The following NALF1 variants were observed in gnomAD, a reference collection of about 807,000 sequenced individuals.
The protein encoded by NALF1 is NALCN channel auxiliary factor 1, also known as family with sequence similarity 155 member A.
In NALF1, 3 loss-of-function variants were observed where a neutral mutation model predicts 48.4. That is an observed-to-expected ratio of 0.06 (90% CI 0.03 to 0.16). The LOEUF is 0.16. Among genes scored for constraint, NALF1 ranks in the 10% least tolerant of loss-of-function variants. NALF1 has a pLI of 1.00. For missense variants in NALF1, 526 were observed against 571.5 expected (o/e 0.92, Z 0.81); for synonymous variants, 262 against 245.7 (o/e 1.07, Z -0.62).
intron 1 of NALF1, among the ~76,000 whole-genome samples, chr13:107,452,923 A>G (rs11838863): frequency 0.029 from 4,427 of 152,340 alleles, 225 homozygotes; most frequent in African/African-American, 0.1. Flanking sequence ...CTGAAATCCA[A>G]TAGGGCAGTA....
Position 107,827,517 on chromosome 13 carries a change from C to T in NALF1, c.915+38165G>A, listed in dbSNP as rs530944307. 1.6e-3 allele frequency among the ~76,000 whole-genome samples: 245 copies of T among 152,312 alleles called. 1 individual carries two copies. The highest frequency in any genetic ancestry group is 5.8e-3 in the African/African-American group (241 of 41,562). The stretch of plus-strand genomic sequence containing the variant: ...TAAATCCAGTGCTTCCCACAAACAT[C>T]CCAACATGGGTCTGGCCATCGGGCA... On this transcript the variant is annotated intron_variant, in intron 1 of 2. Coordinates refer to ENST00000375915, the MANE Select transcript of NALF1 (RefSeq NM_001080396.3).
At chr13:107,717,189 G>T (rs1477665820) in intron 1 of NALF1, among the ~76,000 whole-genome samples, 1 of 152,126 alleles carries the variant, frequency 6.6e-6, no homozygotes, top group African/African-American at 2.4e-5. Context: ...TGTATCCAAT[G>T]AGAATAAACA....
chr13:107,213,740 A>G (rs1879816021), intron 1 of NALF1, among the ~76,000 whole-genome samples: 1 of 152,238 alleles, frequency 6.6e-6, no homozygotes, highest in African/African-American at 2.4e-5. Flanking sequence ...CATGGGAAGT[A>G]AACAAAAATT....
intron 1 of NALF1, among the ~76,000 whole-genome samples, chr13:107,827,974 G>A (rs897068452): frequency 2.0e-5 from 3 of 152,142 alleles, no homozygotes; most frequent in African/African-American, 4.8e-5. Context: ...AACTGCAGCC[G>A]TCAGCGGTAG....
chr13:107,456,186 T>G (rs1382995350), intron 1 of NALF1, among the ~76,000 whole-genome samples: 1 of 152,132 alleles, frequency 6.6e-6, no homozygotes, highest in Non-Finnish European at 1.5e-5. Flanking sequence ...AGTGGGAATT[T>G]GACAAGTTCA....
intron 1 of NALF1, among the ~76,000 whole-genome samples, chr13:107,585,650 C>T (rs1272545717): frequency 6.6e-6 from 1 of 152,170 alleles, no homozygotes; most frequent in Non-Finnish European, 1.5e-5. Context: ...AGCCATTTAT[C>T]ATCACCTACT....
intron 1 of NALF1, among the ~76,000 whole-genome samples, chr13:107,469,901 G>A (rs886811139): frequency 6.6e-6 from 1 of 151,526 alleles, no homozygotes; most frequent in Non-Finnish European, 1.5e-5. Flanking sequence ...CTGCCACCAC[G>A]CCCGGCTAAT....
At chr13:107,258,464 A>C (rs1282233710) in intron 1 of NALF1, among the ~76,000 whole-genome samples, 1 of 152,196 alleles carries the variant, frequency 6.6e-6, no homozygotes, top group African/African-American at 2.4e-5. Context: ...CTGAGTCAAA[A>C]GTTCATAATT....
chr13:107,224,738 T>A (rs1378571426), intron 1 of NALF1, among the ~76,000 whole-genome samples: 1 of 152,096 alleles, frequency 6.6e-6, no homozygotes, highest in Non-Finnish European at 1.5e-5. Flanking sequence ...GATTTATGGC[T>A]TAGTACTGAT....
intron 1 of NALF1, among the ~76,000 whole-genome samples, chr13:107,246,841 T>C (rs1880595823): frequency 6.6e-6 from 1 of 152,180 alleles, no homozygotes; most frequent in Non-Finnish European, 1.5e-5. Context: ...GAGAATTTCA[T>C]CTTTCAATGA....
intron 1 of NALF1, among the ~76,000 whole-genome samples, chr13:107,330,258 G>T (rs182553984): frequency 6.6e-6 from 1 of 152,310 alleles, no homozygotes; most frequent in Non-Finnish European, 1.5e-5. Context: ...TGGCTCTAAT[G>T]ATGAGGAATT....
At chr13:107,639,821 T>C (rs2138457158) in intron 1 of NALF1, among the ~76,000 whole-genome samples, 1 of 152,340 alleles carries the variant, frequency 6.6e-6, no homozygotes, top group Admixed American at 6.5e-5. Flanking sequence ...TTCTTATTTC[T>C]GTAACAATCT....
intron 1 of NALF1, among the ~76,000 whole-genome samples, chr13:107,596,383 G>A (rs1187387322): frequency 6.6e-6 from 1 of 152,136 alleles, no homozygotes; most frequent in Non-Finnish European, 1.5e-5. Flanking sequence ...TACGTGTATT[G>A]CAGCACTATT....
intron 1 of NALF1, among the ~76,000 whole-genome samples, chr13:107,231,169 C>T (rs1880215978): frequency 6.6e-6 from 1 of 151,196 alleles, no homozygotes; most frequent in Admixed American, 6.6e-5. Context: ...GTAGAATTTG[C>T]TTTGAAATGA....
intron 1 of NALF1, among the ~76,000 whole-genome samples, chr13:107,295,169 T>C (rs1322950158): frequency 6.6e-6 from 1 of 152,150 alleles, no homozygotes; most frequent in African/African-American, 2.4e-5. Context: ...GTTCCTGGTG[T>C]CTCTTGTGCC....
intron 1 of NALF1, among the ~76,000 whole-genome samples, chr13:107,335,583 T>A (rs1039640918): frequency 2.6e-5 from 4 of 152,242 alleles, no homozygotes; most frequent in Non-Finnish European, 5.9e-5. Context: ...TGTTTGTGAC[T>A]TTTTCATGGC....
intron 1 of NALF1, among the ~76,000 whole-genome samples, chr13:107,228,542 A>C (rs537271944): frequency 6.6e-6 from 1 of 152,326 alleles, no homozygotes; most frequent in South Asian, 2.1e-4. Context: ...ACATATGCCA[A>C]GAAATAATTC....
At chr13:107,641,763 G>A (rs142110844) in intron 1 of NALF1, among the ~76,000 whole-genome samples, 15 of 152,214 alleles carry the variant, frequency 9.9e-5, no homozygotes, top group African/African-American at 1.7e-4. Context: ...AACCTGAACC[G>A]TGGCTGGGGG....
intron 1 of NALF1, among the ~76,000 whole-genome samples, chr13:107,675,265 G>C (rs565960871): frequency 2.6e-5 from 4 of 152,278 alleles, no homozygotes; most frequent in African/African-American, 9.6e-5. Context: ...GCAGGTTTGA[G>C]CTTGCCCCCC....
Sources: allele counts gnomAD v4.1 joint callset (sites outside exome capture counted in the v4.1 genomes callset), GRCh38; gene constraint gnomAD v4.1.1; transcripts MANE v1.5; gene names NCBI Gene and HGNC (gene_info 2026-07-23, HGNC 2026-07-21).